PRSS12: variants seen among roughly 807,000 people sequenced by gnomAD.
PRSS12 encodes the protein serine protease 12.
In PRSS12, 85 loss-of-function variants were observed where a neutral mutation model predicts 104.4. The ratio of observed to expected loss-of-function variants is 0.81; its 90% confidence interval spans 0.68 to 0.98. The LOEUF (loss-of-function observed/expected upper bound fraction) is 0.98. Among genes scored for constraint, PRSS12 ranks in the 50% least tolerant of loss-of-function variants. The probability of loss-of-function intolerance (pLI) is 0.00; values close to 1 mark genes in which losing one functional copy is unlikely to be tolerated. For missense variants in PRSS12, 1,141 were observed against 1,139.2 expected, an observed-to-expected ratio of 1.00 and a Z score of -0.02; for synonymous variants, 454 against 425.2, an observed-to-expected ratio of 1.07 and a Z score of -0.83.
At chr4:118,351,153 A>G (rs968838370) in intron 1 of PRSS12, among the ~76,000 whole-genome samples, 13 of 152,176 alleles carry the variant, frequency 8.5e-5, no homozygotes, top group Admixed American at 7.2e-4. Flanking sequence ...CTGATAAATA[A>G]AATTTCTCCA....
At chr4:118,295,895 G>A in intron 9 of PRSS12, 39 bp from the exon 10 acceptor site, 1 of 1,543,320 alleles carries the variant, frequency 6.5e-7, no homozygotes, top group Non-Finnish European at 9.0e-7. Context: ...CTATCACATT[G>A]CTGACAGAGG....
chr4:118,318,252 GTTTT>G, intron 5 of PRSS12, 122 bp downstream of exon 5: 2 of 922,666 alleles, frequency 2.2e-6, no homozygotes, highest in Non-Finnish European at 3.3e-6. Flanking sequence ...CTTTTTGTTT[GTTTT>G]ATTTGGTGTA....
chr4:118,315,016 A>G (rs1410733876), intron 6 of PRSS12, among the ~76,000 whole-genome samples: 4 of 152,084 alleles, frequency 2.6e-5, no homozygotes, highest in Non-Finnish European at 5.9e-5. Flanking sequence ...TTTGGCTGTC[A>G]TATCATACCC....
intron 4 of PRSS12, among the ~76,000 whole-genome samples, chr4:118,328,318 G>C (rs1723831839): frequency 6.6e-6 from 1 of 152,178 alleles, no homozygotes; most frequent in Admixed American, 6.5e-5. Flanking sequence ...ACAAGTGCTT[G>C]TGGAGGATTT....
At chr4:118,326,738 A>T (rs780512506) in intron 4 of PRSS12, among the ~76,000 whole-genome samples, 24 of 152,290 alleles carry the variant, frequency 1.6e-4, no homozygotes, top group Non-Finnish European at 3.2e-4. Flanking sequence ...GGAGCCATAA[A>T]CCTCAAGACT....
At chr4:118,304,198 G>T (rs1269884270) in intron 8 of PRSS12, among the ~76,000 whole-genome samples, 1 of 151,334 alleles carries the variant, frequency 6.6e-6, no homozygotes, top group Non-Finnish European at 1.5e-5. Flanking sequence ...ATATGTGTGT[G>T]TATATATACA....
At chr4:118,284,919 T>C (rs890433672) in intron 11 of PRSS12, among the ~76,000 whole-genome samples, 1 of 152,222 alleles carries the variant, frequency 6.6e-6, no homozygotes, top group Non-Finnish European at 1.5e-5. Context: ...TGTACTTGAA[T>C]GTGAACTTAG....
rs1225281952 is a variant in PRSS12, at chr4:118,352,773, G to A, written c.-53C>T. On this transcript the variant is annotated 5_prime_UTR_variant, in exon 1 of 13. Coordinates refer to ENST00000296498, the MANE Select transcript of PRSS12 (RefSeq NM_003619.4). Reference sequence around the variant, plus strand: ...TGCTCCCCAGCTTCTCGGGCTTGGAGCGGAGAAGAGGAGGGGGCGGGGGCG... The same window carrying A: ...TGCTCCCCAGCTTCTCGGGCTTGGAACGGAGAAGAGGAGGGGGCGGGGGCG... 6.9e-6 allele frequency: 11 copies of A among 1,605,746 alleles called. No homozygotes were observed. The East Asian group carries it at 2.5e-4, about 36-fold the overall frequency.
At chr4:118,331,980 C>A in intron 3 of PRSS12, 114 bp from the exon 4 acceptor site, 1 of 1,342,728 alleles carries the variant, frequency 7.4e-7, no homozygotes, top group Non-Finnish European at 1.0e-6. Flanking sequence ...ATTTATAAAG[C>A]CACACCAGTG....
intron 4 of PRSS12, among the ~76,000 whole-genome samples, chr4:118,320,713 A>G (rs1723595237): frequency 8.5e-5 from 13 of 152,150 alleles, no homozygotes; most frequent in Admixed American, 6.5e-5. Flanking sequence ...TGATCATGCC[A>G]CTGCACTCCA....
At chr4:118,299,056 G>GCAGA in intron 8 of PRSS12, 118 bp from the exon 9 acceptor site, 1 of 1,169,326 alleles carries the variant, frequency 8.6e-7, no homozygotes, top group Non-Finnish European at 1.2e-6. Flanking sequence ...GCATCTGCAT[G>GCAGA]TGCTAAAAAC....
chr4:118,336,154 AC>A (rs772720259), intron 2 of PRSS12, among the ~76,000 whole-genome samples: 2 of 152,242 alleles, frequency 1.3e-5, no homozygotes, highest in Non-Finnish European at 2.9e-5. Flanking sequence ...ACATCTAAGC[AC>A]AATAATATCA....
At chr4:118,344,391 T>C (rs1270490027) in intron 1 of PRSS12, among the ~76,000 whole-genome samples, 1 of 151,954 alleles carries the variant, frequency 6.6e-6, no homozygotes, top group East Asian at 1.9e-4. Context: ...AATTTTTATG[T>C]TATTTTCTTT....
At chr4:118,323,820 T>TACAC (rs889289450) in intron 4 of PRSS12, among the ~76,000 whole-genome samples, 2 of 151,438 alleles carry the variant, frequency 1.3e-5, no homozygotes, top group Non-Finnish European at 2.9e-5. Context: ...TATATATATA[T>TACAC]ACACACACAC....
In PRSS12 at chr4:118,331,749, T is replaced by A. The variant is rs1444702035; in HGVS notation, c.938A>T (p.Asp313Val). Residue 313 changes from aspartate to valine, a missense_variant, in exon 4 of 13, where the codon GAT becomes GTT. Coordinates refer to ENST00000296498, the MANE Select transcript of PRSS12 (RefSeq NM_003619.4). ...CAGCTGCCTGCAGATCACTTCTGCA[T>A]CGGCATCATCCCATTGGTCATCACA... Reference protein sequence around the residue: ...TVCDDQWDDADAEVICRQLGL... With the variant: ...TVCDDQWDDAVAEVICRQLGL... 2.5e-6 allele frequency: 4 copies of A among 1,614,178 alleles called. No homozygotes were observed. In the East Asian group the frequency reaches 6.7e-5, roughly 27 times the overall value.
chr4:118,346,465 T>C (rs1350240078), intron 1 of PRSS12, among the ~76,000 whole-genome samples: 1 of 150,212 alleles, frequency 6.7e-6, no homozygotes, highest in Non-Finnish European at 1.5e-5. Context: ...TATTTATATA[T>C]ATATATATAT....
chr4:118,316,581 G>A (rs922060985), intron 5 of PRSS12, among the ~76,000 whole-genome samples: 2 of 148,640 alleles, frequency 1.3e-5, no homozygotes, highest in Admixed American at 6.7e-5. Flanking sequence ...CAGCATTTCG[G>A]GAGGCTGAGG....
chr4:118,347,431 A>G (rs1724386143), intron 1 of PRSS12, among the ~76,000 whole-genome samples: 1 of 152,194 alleles, frequency 6.6e-6, no homozygotes, highest in Admixed American at 6.5e-5. Flanking sequence ...ACATGAACAG[A>G]GGAGCATGAC....
chr4:118,294,393 G>A (rs1365819131), intron 11 of PRSS12, among the ~76,000 whole-genome samples: 5 of 152,248 alleles, frequency 3.3e-5, no homozygotes, highest in South Asian at 2.1e-4. Context: ...CATGAGCTCC[G>A]TGACTCTGGT....
Sources: allele counts gnomAD v4.1 joint callset (sites outside exome capture counted in the v4.1 genomes callset), GRCh38; gene constraint gnomAD v4.1.1; transcripts MANE v1.5; gene names NCBI Gene and HGNC (gene_info 2026-07-23, HGNC 2026-07-21).